INSR: variants seen among roughly 807,000 people sequenced by gnomAD.
INSR encodes the protein IR.
INSR carries 67 observed loss-of-function variants against 142.6 expected under a neutral mutation model. The ratio of observed to expected loss-of-function variants is 0.47; its 90% CI spans 0.39 to 0.58. The LOEUF (loss-of-function observed/expected upper bound fraction) is 0.58. Among genes scored for constraint, INSR ranks in the 20% least tolerant of loss-of-function variants. INSR has a pLI of 0.00. For missense variants in INSR, 1,248 were observed against 1,833.2 expected (o/e 0.68, Z 5.83); for synonymous variants, 756 against 743.1 (o/e 1.02, Z -0.28).
intron 2 of INSR, among the ~76,000 whole-genome samples, chr19:7,204,819 G>A (rs532786818): frequency 2.6e-5 from 4 of 152,322 alleles, no homozygotes; most frequent in South Asian, 2.1e-4. Flanking sequence ...AGTGGCTCAC[G>A]CCTGTAATCC....
At chr19:7,170,787 G>A (rs751734163) in intron 5 of INSR, 36 bp from the exon 6 acceptor site, 1 of 1,517,330 alleles carries the variant, frequency 6.6e-7, no homozygotes, top group African/African-American at 1.4e-5. Context: ...TCATTCAACG[G>A]CTGGTCTTCT....
chr19:7,210,339 T>TC (rs1263004308), intron 2 of INSR, among the ~76,000 whole-genome samples: 3 of 51,318 alleles, frequency 5.8e-5, no homozygotes, highest in Non-Finnish European at 1.2e-4. Context: ...AGACTCTGTC[T>TC]CAAAAAAAAA....
intron 2 of INSR, among the ~76,000 whole-genome samples, chr19:7,231,089 C>T (rs955669388): frequency 2.6e-5 from 4 of 152,132 alleles, no homozygotes; most frequent in South Asian, 2.1e-4. Context: ...CACACCAGCT[C>T]GCTGATTTCC....
At chr19:7,286,772 T>C (rs1968355390) in intron 1 of INSR, among the ~76,000 whole-genome samples, 1 of 152,050 alleles carries the variant, frequency 6.6e-6, no homozygotes, top group South Asian at 2.1e-4. Flanking sequence ...GAGAATGCAT[T>C]ACCCGTCACT....
intron 2 of INSR, among the ~76,000 whole-genome samples, chr19:7,205,322 G>T (rs1975079373): frequency 6.6e-6 from 1 of 152,156 alleles, no homozygotes; most frequent in Non-Finnish European, 1.5e-5. Flanking sequence ...AAGTTCACAG[G>T]GGGCTGAAAC....
chr19:7,293,697 G>T, intron 1 of INSR, 95 bp downstream of exon 1: 3 of 1,055,608 alleles, frequency 2.8e-6, no homozygotes, highest in Non-Finnish European at 2.4e-6. Flanking sequence ...CCTGGGGAGG[G>T]TTCTCAGTCC....
intron 2 of INSR, among the ~76,000 whole-genome samples, chr19:7,233,340 G>A (rs375626459): frequency 2.0e-5 from 3 of 152,234 alleles, no homozygotes; most frequent in South Asian, 2.1e-4. Context: ...AACAGATCCC[G>A]GAGAACTCCA....
rs36081066 is a variant in INSR at position 7,163,072 on chromosome 19, C to T, written c.1989G>A (p.Ala663=). The change falls in exon 9 of 22, where the codon GCG becomes GCA. Residue 663 remains alanine (A), a synonymous_variant. Transcript: ENST00000302850. ...THYLVFWERQ[A]EDSELFELDY... ...CCAGCTCGAACAGCTCACTGTCTTC[C>T]GCCTGCCTCTCCCAGAAAACCAGGT... The T allele has an allele frequency of 1.9e-3, 3,025 of 1,613,916 alleles. 46 individuals carry two copies. In the African/African-American group the frequency reaches 0.036, roughly 19 times the overall value.
intron 9 of INSR, among the ~76,000 whole-genome samples, chr19:7,160,639 AAAAG>A (rs1416845786): frequency 2.6e-5 from 4 of 151,840 alleles, no homozygotes; most frequent in Non-Finnish European, 5.9e-5. Flanking sequence ...AAGAAGAAGA[AAAAG>A]AAAAAGAAAA....
chr19:7,161,456 C>T (rs975968921), intron 9 of INSR, among the ~76,000 whole-genome samples: 32 of 152,012 alleles, frequency 2.1e-4, no homozygotes, highest in African/African-American at 7.5e-4. Flanking sequence ...TGCTATGTTG[C>T]CCAGGCTGGT....
At chr19:7,151,190 TTC>T (rs1491452657) in intron 10 of INSR, among the ~76,000 whole-genome samples, 5 of 79,288 alleles carry the variant, frequency 6.3e-5, no homozygotes, top group African/African-American at 1.4e-4. Context: ...CTTTCTTTCT[TTC>T]TTTCTTTCTT....
At chr19:7,234,270 G>A (rs962026148) in intron 2 of INSR, among the ~76,000 whole-genome samples, 27 of 151,804 alleles carry the variant, frequency 1.8e-4, no homozygotes, top group African/African-American at 6.3e-4. Flanking sequence ...GTAGTGGTGC[G>A]ATCATAACTC....
intron 2 of INSR, among the ~76,000 whole-genome samples, chr19:7,259,075 CCTT>C (rs1451244032): frequency 1.0e-5 from 1 of 100,006 alleles, no homozygotes; most frequent in African/African-American, 3.9e-5. Context: ...CTCCTTCCCT[CCTT>C]CTTTCCTTCC....
At chr19:7,269,525 G>C (rs1256106682) in intron 1 of INSR, among the ~76,000 whole-genome samples, 3 of 151,910 alleles carry the variant, frequency 2.0e-5, no homozygotes, top group Non-Finnish European at 4.4e-5. Context: ...AACCAAGCAG[G>C]AACCCTGCAG....
At chr19:7,258,239 A>C (rs1397203083) in intron 2 of INSR, among the ~76,000 whole-genome samples, 1 of 152,180 alleles carries the variant, frequency 6.6e-6, no homozygotes, top group Non-Finnish European at 1.5e-5. Context: ...GTTTGAGACC[A>C]GCCTGGGCAA....
chr19:7,126,461 A>G, intron 16 of INSR, 123 bp downstream of exon 16: 1 of 869,582 alleles, frequency 1.1e-6, no homozygotes, highest in Non-Finnish European at 1.9e-6. Flanking sequence ...GCAAGCTCAA[A>G]TGAATAAGAG....
At chr19:7,274,804 C>CA (rs772807729) in intron 1 of INSR, among the ~76,000 whole-genome samples, 12,324 of 82,976 alleles carry the variant, frequency 0.15, 769 homozygotes, top group East Asian at 0.33. Context: ...GACTGTGTCT[C>CA]AAAAAAAAAA....
intron 2 of INSR, among the ~76,000 whole-genome samples, chr19:7,251,190 G>A (rs1600093659): frequency 7.1e-6 from 1 of 141,770 alleles, no homozygotes; most frequent in Non-Finnish European, 1.5e-5. Flanking sequence ...AATGTCCCCT[G>A]GGAGACAAAA....
chr19:7,160,711 T>G (rs1973725295), intron 9 of INSR, among the ~76,000 whole-genome samples: 1 of 151,816 alleles, frequency 6.6e-6, no homozygotes, highest in Non-Finnish European at 1.5e-5. Flanking sequence ...GTTAAAATAA[T>G]TTTAGGCTGG....
Sources: gnomAD v4.1 joint callset for allele counts (sites outside exome capture counted in the v4.1 genomes callset) on GRCh38, gnomAD v4.1.1 for gene constraint, MANE v1.5 for transcripts, NCBI Gene and HGNC (gene_info 2026-07-23, HGNC 2026-07-21) for gene names.